The following NETO1 variants were observed in gnomAD, a reference collection of about 807,000 sequenced individuals.
The protein encoded by NETO1 is neuropilin and tolloid like 1.
A neutral mutation model predicts 61.3 loss-of-function variants in NETO1; 26 were observed. The observed-to-expected ratio is 0.42, with a 90% CI of 0.31 to 0.59. NETO1 has a LOEUF of 0.59. Ranked by LOEUF, NETO1 falls within the 20% of genes least tolerant of loss-of-function variation. The pLI is 0.12. For synonymous variants in NETO1, 225 were observed against 225.8 expected, an observed-to-expected ratio of 1.00 and a Z score of 0.03; for missense variants, 531 against 662.8, an observed-to-expected ratio of 0.80 and a Z score of 2.18.
chr18:72,848,578 AAAAG>A (rs2074158331), intron 4 of NETO1, among the ~76,000 whole-genome samples: 1 of 152,198 alleles, frequency 6.6e-6, no homozygotes, highest in South Asian at 2.1e-4. Flanking sequence ...AAGAATTTAA[AAAAG>A]AAAGAAAGAA....
intron 4 of NETO1, among the ~76,000 whole-genome samples, chr18:72,807,089 T>A (rs2072698338): frequency 6.6e-6 from 1 of 152,218 alleles, no homozygotes; most frequent in African/African-American, 2.4e-5. Context: ...ATTGTTTTAA[T>A]ACTCTGAGTT....
chr18:72,771,897 TG>T, intron 7 of NETO1, among the ~76,000 whole-genome samples: 1 of 148,110 alleles, frequency 6.8e-6, no homozygotes, highest in Admixed American at 6.8e-5. Context: ...TATCTTTTTA[TG>T]ATCTCACAGT....
chr18:72,840,920 C>A (rs2073909739), intron 4 of NETO1, among the ~76,000 whole-genome samples: 1 of 152,198 alleles, frequency 6.6e-6, no homozygotes, highest in African/African-American at 2.4e-5. Flanking sequence ...CTACCATTTG[C>A]AGAGTCCCAC....
intron 4 of NETO1, chr18:72,834,959 A>G: frequency 1.3e-6 from 1 of 777,584 alleles, no homozygotes; most frequent in Non-Finnish European, 1.6e-6. Flanking sequence ...ACATAAAACA[A>G]TATAATTTAA....
intron 4 of NETO1, among the ~76,000 whole-genome samples, chr18:72,853,933 A>G (rs2074336136): frequency 6.6e-6 from 1 of 152,016 alleles, no homozygotes; most frequent in South Asian, 2.1e-4. Flanking sequence ...AAATTTAGAA[A>G]CTTTCGAAAT....
chr18:72,783,641 A>T, intron 7 of NETO1, 37 bp downstream of exon 7: 1 of 1,568,548 alleles, frequency 6.4e-7, no homozygotes, highest in Non-Finnish European at 8.8e-7. Context: ...CATATGGCAT[A>T]TACGAAGGAA....
Position 72,859,229 on chromosome 18 carries a change from G to A in NETO1, c.221-155C>T, listed in dbSNP as rs1007815080. On this transcript the variant is annotated intron_variant, in intron 3 of 10. Coordinates refer to ENST00000327305, the MANE Select transcript of NETO1 (RefSeq NM_138966.5). Reference sequence around the variant, plus strand: ...AAGAAAGCATATGATACTATTCTACGGGACACAATTTTCATAAAAATGTCT... The same window carrying A: ...AAGAAAGCATATGATACTATTCTACAGGACACAATTTTCATAAAAATGTCT... Among the ~76,000 whole-genome samples, 11 of 151,950 alleles carry A rather than the reference G, an allele frequency of 7.2e-5. 1 individual carries two copies. In the South Asian group the frequency reaches 1.9e-3, roughly 26 times the overall value.
chr18:72,788,785 T>G (rs1452989913), intron 6 of NETO1, among the ~76,000 whole-genome samples: 1 of 152,150 alleles, frequency 6.6e-6, no homozygotes, highest in East Asian at 1.9e-4. Flanking sequence ...CCTTTTTATA[T>G]GCAAAGCAAA....
rs1210728678 is a variant in NETO1 at position 72,867,987 on chromosome 18, G to C, written c.-696C>G. ...CTGCGCGCCACCTCTGCTATCTTGC[G>C]GAAAGAGGAGCGGGTGGGTGGGCGT... On this transcript the variant is annotated 5_prime_UTR_variant, in exon 1 of 11. Coordinates refer to ENST00000327305, the MANE Select transcript of NETO1 (RefSeq NM_138966.5). The C allele has an allele frequency of 3.3e-5, 5 of 149,310 alleles. No individual in the cohort carries two copies. Among genetic ancestry groups the C allele is most frequent in the Non-Finnish European group, 7.4e-5 (5 of 67,126 alleles). The allele number at this position is 149,310 out of a possible 1,614,324, so 9.2% of individuals were successfully genotyped here.
chr18:72,812,109 T>C lies in NETO1; in HGVS notation c.470-17705A>G, dbSNP rs1406687691. The stretch of plus-strand genomic sequence containing the variant: ...GGGTAAAACTTCCCTACATTCACTG[T>C]ATGGTGTTTAAGTGGTGAAATCACT... On this transcript the variant is annotated intron_variant, in intron 4 of 10. Coordinates refer to ENST00000327305, the MANE Select transcript of NETO1 (RefSeq NM_138966.5). Among the ~76,000 whole-genome samples the C allele has an allele frequency of 3.3e-5, 5 of 152,232 alleles. No individual in the cohort carries two copies. The East Asian group carries it at 9.6e-4, about 29-fold the overall frequency.
intron 4 of NETO1, among the ~76,000 whole-genome samples, chr18:72,798,724 G>C (rs530917484): frequency 6.6e-6 from 1 of 152,180 alleles, no homozygotes; most frequent in Non-Finnish European, 1.5e-5. Flanking sequence ...TCATCGGAGA[G>C]CTTCTTTGAA....
chr18:72,799,725 A>ACACATGT (rs1337559290), intron 4 of NETO1, among the ~76,000 whole-genome samples: 5 of 152,272 alleles, frequency 3.3e-5, no homozygotes, highest in Non-Finnish European at 7.3e-5. Flanking sequence ...GATGCTGAAC[A>ACACATGT]CACATGTCTT....
intron 4 of NETO1, among the ~76,000 whole-genome samples, chr18:72,797,628 C>G (rs552157502): frequency 6.6e-6 from 1 of 152,270 alleles, no homozygotes; most frequent in South Asian, 2.1e-4. Flanking sequence ...ACTTAGCAAC[C>G]TAAATAAACT....
intron 4 of NETO1, among the ~76,000 whole-genome samples, chr18:72,805,779 C>T (rs2072656042): frequency 6.6e-6 from 1 of 152,144 alleles, no homozygotes. Flanking sequence ...GTTCTTCCTT[C>T]TCTCTTGATT....
At chr18:72,826,137 C>A (rs1157693507) in intron 4 of NETO1, among the ~76,000 whole-genome samples, 1 of 152,012 alleles carries the variant, frequency 6.6e-6, no homozygotes, top group Non-Finnish European at 1.5e-5. Flanking sequence ...TGCTAGTTTC[C>A]TGTTTTAAAT....
At chr18:72,854,347 G>A (rs1318238935) in intron 4 of NETO1, among the ~76,000 whole-genome samples, 1 of 152,188 alleles carries the variant, frequency 6.6e-6, no homozygotes, top group Non-Finnish European at 1.5e-5. Flanking sequence ...AATTTCTCCA[G>A]TGGGATGTGT....
At chr18:72,750,644 C>A (rs2070570046) in intron 8 of NETO1, 24 bp from the exon 9 acceptor site, 1 of 1,535,578 alleles carries the variant, frequency 6.5e-7, no homozygotes, top group East Asian at 2.3e-5. Context: ...AGAGTGAAAA[C>A]AACAAACGGA....
chr18:72,818,904 T>C (rs561196024), intron 4 of NETO1, among the ~76,000 whole-genome samples: 2 of 152,304 alleles, frequency 1.3e-5, no homozygotes, highest in East Asian at 3.9e-4. Context: ...TAGCTAAATA[T>C]ATCAAAATGG....
intron 4 of NETO1, among the ~76,000 whole-genome samples, chr18:72,815,722 C>G (rs936600044): frequency 6.6e-6 from 1 of 152,110 alleles, no homozygotes; most frequent in East Asian, 1.9e-4. Context: ...ATTACTGCAA[C>G]CATATGCAGG....
Sources: allele counts gnomAD v4.1 joint callset (sites outside exome capture counted in the v4.1 genomes callset), GRCh38; gene constraint gnomAD v4.1.1; transcripts MANE v1.5; gene names NCBI Gene and HGNC (gene_info 2026-07-23, HGNC 2026-07-21).